EPHA6: variants seen among roughly 807,000 people sequenced by gnomAD.
EPHA6 encodes EPH receptor A6.
Under a neutral mutation model 112.0 loss-of-function variants are expected in EPHA6, and 50 were observed. The ratio of observed to expected loss-of-function variants is 0.45; its 90% CI spans 0.36 to 0.56. EPHA6 has a LOEUF of 0.56. EPHA6 is among the 20% of genes least tolerant of loss of function. The pLI, the probability that EPHA6 is intolerant of heterozygous loss-of-function variation, is 0.00. For missense variants in EPHA6, 1,280 were observed against 1,417.4 expected (o/e 0.90, Z 1.56); for synonymous variants, 529 against 490.7 (o/e 1.08, Z -1.03).
At chr3:97,003,596 A>G (rs1006871378) in intron 3 of EPHA6, among the ~76,000 whole-genome samples, 69 of 152,320 alleles carry the variant, frequency 4.5e-4, no homozygotes, top group African/African-American at 1.6e-3. Context: ...GATTTTCATG[A>G]AAATTTATAA....
chr3:96,951,561 T>C (rs555158635), intron 2 of EPHA6, among the ~76,000 whole-genome samples: 14 of 152,248 alleles, frequency 9.2e-5, no homozygotes, highest in African/African-American at 2.6e-4. Context: ...TATCTTATTT[T>C]ATAGTTTATT....
chr3:97,567,284 C>CA (rs963880830), intron 11 of EPHA6, among the ~76,000 whole-genome samples: 8 of 151,380 alleles, frequency 5.3e-5, no homozygotes, highest in Admixed American at 2.6e-4. Flanking sequence ...ATTTGAAGAA[C>CA]AAAAAAAACT....
chr3:97,581,433 T>C (rs1011796462), intron 11 of EPHA6, among the ~76,000 whole-genome samples: 11 of 152,236 alleles, frequency 7.2e-5, no homozygotes, highest in Non-Finnish European at 1.6e-4. Context: ...ATATGCAACA[T>C]GCCATGCCAA....
chr3:97,281,201 ATG>A (rs10547257), intron 5 of EPHA6, among the ~76,000 whole-genome samples: 103,174 of 140,414 alleles, frequency 0.73, 40,591 homozygotes, highest in Non-Finnish European at 0.89. Flanking sequence ...CAAAGAGTCT[ATG>A]TGTGTGTGTG....
At chr3:97,226,467 G>T in intron 4 of EPHA6, 48 bp downstream of exon 4, 1 of 1,513,776 alleles carries the variant, frequency 6.6e-7, no homozygotes, top group Non-Finnish European at 8.9e-7. Context: ...CAACCCTTTT[G>T]GTCTTTTCAT....
chr3:97,438,166 G>T (rs1203831844), intron 6 of EPHA6, among the ~76,000 whole-genome samples: 6 of 152,110 alleles, frequency 3.9e-5, no homozygotes, highest in African/African-American at 1.4e-4. Flanking sequence ...TTATAGAGTG[G>T]TAAAGCACAG....
At chr3:97,243,534 C>G (rs941714880) in intron 4 of EPHA6, among the ~76,000 whole-genome samples, 1 of 151,692 alleles carries the variant, frequency 6.6e-6, no homozygotes. Flanking sequence ...GACTGAAAAA[C>G]TTACAACAAT....
intron 2 of EPHA6, among the ~76,000 whole-genome samples, chr3:96,937,693 C>A (rs1018856235): frequency 1.1e-4 from 17 of 152,024 alleles, no homozygotes; most frequent in Admixed American, 2.0e-4. Flanking sequence ...ATGCCTATGT[C>A]CTGAATGGTA....
intron 2 of EPHA6, among the ~76,000 whole-genome samples, chr3:96,952,112 T>A (rs538358157): frequency 4.9e-4 from 74 of 152,308 alleles, no homozygotes; most frequent in African/African-American, 1.7e-3. Flanking sequence ...TCCATTGTAC[T>A]AGGAAGAGAC....
At chr3:97,087,011 G>C (rs1018388169) in intron 3 of EPHA6, among the ~76,000 whole-genome samples, 1 of 152,162 alleles carries the variant, frequency 6.6e-6, no homozygotes, top group African/African-American at 2.4e-5. Flanking sequence ...AAACACGTAA[G>C]TTTTGTTTTC....
intron 11 of EPHA6, among the ~76,000 whole-genome samples, chr3:97,550,724 G>A (rs1405223067): frequency 6.6e-6 from 1 of 152,148 alleles, no homozygotes; most frequent in African/African-American, 2.4e-5. Context: ...AATCCTGTGT[G>A]ATATTAAGAT....
At chr3:97,047,493 C>T (rs2045549745) in intron 3 of EPHA6, among the ~76,000 whole-genome samples, 1 of 112,234 alleles carries the variant, frequency 8.9e-6, no homozygotes, top group African/African-American at 3.9e-5. Context: ...GAGTGAGACT[C>T]TGTCTCAAAA....
intron 3 of EPHA6, among the ~76,000 whole-genome samples, chr3:97,066,487 G>T (rs1257764584): frequency 1.3e-5 from 2 of 152,070 alleles, no homozygotes; most frequent in African/African-American, 4.8e-5. Context: ...AAGGTTTTAG[G>T]AAAACTAGAG....
At chr3:97,319,632 T>C (rs1290926714) in intron 5 of EPHA6, among the ~76,000 whole-genome samples, 2 of 142,476 alleles carry the variant, frequency 1.4e-5, no homozygotes, top group African/African-American at 5.3e-5. Context: ...ATTGCCTCAC[T>C]GCACTCCAGC....
At chr3:97,001,016 T>TTATATA (rs1334953124) in intron 3 of EPHA6, among the ~76,000 whole-genome samples, 1 of 83,210 alleles carries the variant, frequency 1.2e-5, no homozygotes, top group South Asian at 2.8e-4. Flanking sequence ...AGTCAGAAAT[T>TTATATA]GATATATATA....
At chr3:96,994,759 A>AGAGAGAGAGAGAGAGAGAGAGAGAGAGC (rs763682996) in intron 3 of EPHA6, among the ~76,000 whole-genome samples, 8 of 116,228 alleles carry the variant, frequency 6.9e-5, no homozygotes, top group African/African-American at 2.1e-4. Flanking sequence ...AGAGAGAGAG[A>AGAGAGAGAGAGAGAGAGAGAGAGAGAGC]GAGCTATATA....
chr3:97,698,003 T>C (rs917545857), intron 14 of EPHA6, among the ~76,000 whole-genome samples: 2 of 152,106 alleles, frequency 1.3e-5, no homozygotes, highest in Non-Finnish European at 2.9e-5. Flanking sequence ...ATGTTTTTTG[T>C]TTGTTTGTTT....
intron 5 of EPHA6, among the ~76,000 whole-genome samples, chr3:97,315,363 C>A (rs1427687382): frequency 6.6e-6 from 1 of 151,608 alleles, no homozygotes; most frequent in Admixed American, 6.6e-5. Flanking sequence ...CGCATAAAGT[C>A]GTGGCATAAC....
intron 11 of EPHA6, among the ~76,000 whole-genome samples, chr3:97,589,115 G>A (rs1280132479): frequency 6.6e-6 from 1 of 151,158 alleles, no homozygotes; most frequent in Admixed American, 6.6e-5. Flanking sequence ...AGTTCCTAAA[G>A]TTTCTTAAAA....
Sources: allele counts gnomAD v4.1 joint callset (sites outside exome capture counted in the v4.1 genomes callset), GRCh38; gene constraint gnomAD v4.1.1; transcripts MANE v1.5; gene names NCBI Gene and HGNC (gene_info 2026-07-23, HGNC 2026-07-21).